Variants in ULK4 observed in about 807,000 individuals in gnomAD.
ULK4 encodes inactive serine/threonine-protein kinase ULK4.
A neutral mutation model predicts 160.6 loss-of-function variants in ULK4; 133 were observed. The ratio of observed to expected loss-of-function variants is 0.83; its 90% CI spans 0.72 to 0.96. The LOEUF is 0.96. ULK4 is among the 40% of genes least tolerant of loss of function. The pLI, the probability that ULK4 is intolerant of heterozygous loss-of-function variation, is 0.00. For missense variants in ULK4, 1,580 were observed against 1,499.5 expected (o/e 1.05, Z -0.89); for synonymous variants, 534 against 539.8 (o/e 0.99, Z 0.15).
intron 21 of ULK4, among the ~76,000 whole-genome samples, chr3:41,771,480 T>C (rs1192609065): frequency 6.6e-6 from 1 of 151,578 alleles, no homozygotes; most frequent in African/African-American, 2.4e-5. Flanking sequence ...CTATCATTAC[T>C]AATATTATTA....
chr3:41,267,028 G>GT (rs1431813205), intron 35 of ULK4, among the ~76,000 whole-genome samples: 1 of 139,318 alleles, frequency 7.2e-6, no homozygotes, highest in East Asian at 2.3e-4. Context: ...TGGGGGGGGG[G>GT]GGTTTAAGGC....
In ULK4 at chr3:41,503,495, C is replaced by T. The variant is rs1304849669; in HGVS notation, c.3227-40242G>A. Among the ~76,000 whole-genome samples, 4 of 152,314 alleles carry T rather than the reference C, an allele frequency of 2.6e-5. No individual in the cohort carries two copies. In the East Asian group the frequency reaches 5.8e-4, roughly 22 times the overall value. On this transcript the variant is annotated intron_variant, in intron 32 of 36. Coordinates refer to ENST00000301831, the MANE Select transcript of ULK4 (RefSeq NM_017886.4). The stretch of plus-strand genomic sequence containing the variant: ...TTTATACAAATAAGCATGACACCAA[C>T]TCTTCCTTTATGCTATGGGCACACC...
At chr3:41,371,907 G>A (rs1046259150) in intron 35 of ULK4, among the ~76,000 whole-genome samples, 1 of 152,002 alleles carries the variant, frequency 6.6e-6, no homozygotes, top group Non-Finnish European at 1.5e-5. Flanking sequence ...TAAAAGGTTA[G>A]AGGAATTGCT....
At position 41,811,526 on chromosome 3, in the gene ULK4, G is replaced by T. The variant is rs185910848; in HGVS notation, c.1848+7897C>A. On this transcript the variant is annotated intron_variant, in intron 19 of 36. Transcript: ENST00000301831. Reference sequence around the variant, plus strand: ...TTCCTTCTAATCCTTGTATTGGAAAGAAAACAGTATGGAAATTTTATTTCT... The same window carrying T: ...TTCCTTCTAATCCTTGTATTGGAAATAAAACAGTATGGAAATTTTATTTCT... 2.4e-3 allele frequency among the ~76,000 whole-genome samples: 368 copies of T among 152,278 alleles called. 1 individual carries two copies. Among genetic ancestry groups the T allele is most frequent in the African/African-American group, 7.9e-3 (328 of 41,568 alleles).
intron 30 of ULK4, among the ~76,000 whole-genome samples, chr3:41,649,050 C>T (rs1202485476): frequency 6.6e-6 from 1 of 151,950 alleles, no homozygotes; most frequent in Non-Finnish European, 1.5e-5. Context: ...GTTGTTTGAG[C>T]CCAGGATGCA....
rs183338169 is a variant in ULK4 at position 41,704,591 on chromosome 3, T to C, written c.2781+466A>G. ...GAGCAATTTTGCCACCCAGAGGACA[T>C]ATGTCAATGTGTAGAGACAATTTTG... On this transcript the variant is annotated intron_variant, in intron 27 of 36. Transcript: ENST00000301831. Among the ~76,000 whole-genome samples, 4 of 152,234 alleles carry C rather than the reference T, an allele frequency of 2.6e-5. No homozygotes were observed. The East Asian group carries it at 7.7e-4, about 29-fold the overall frequency.
intron 22 of ULK4, among the ~76,000 whole-genome samples, chr3:41,739,424 G>C (rs2038165839): frequency 6.6e-6 from 1 of 151,898 alleles, no homozygotes; most frequent in South Asian, 2.1e-4. Context: ...AGCCTAATCA[G>C]AAGTGTCCCT....
At chr3:41,624,409 G>A (rs1337810658) in intron 30 of ULK4, among the ~76,000 whole-genome samples, 1 of 152,032 alleles carries the variant, frequency 6.6e-6, no homozygotes, top group East Asian at 1.9e-4. Context: ...CCCTTTAACG[G>A]TAGTATTTTA....
At chr3:41,677,869 C>T (rs1279313746) in intron 29 of ULK4, among the ~76,000 whole-genome samples, 1 of 152,060 alleles carries the variant, frequency 6.6e-6, no homozygotes, top group Non-Finnish European at 1.5e-5. Context: ...TGAATCGGTA[C>T]ACTGAGGGAA....
intron 21 of ULK4, among the ~76,000 whole-genome samples, chr3:41,763,426 G>GA (rs1169536449): frequency 6.6e-6 from 1 of 151,888 alleles, no homozygotes; most frequent in Non-Finnish European, 1.5e-5. Flanking sequence ...AAATAATCAA[G>GA]AAAAAAGGGG....
chr3:41,307,159 T>A (rs1328039863), intron 35 of ULK4, among the ~76,000 whole-genome samples: 13 of 126,090 alleles, frequency 1.0e-4, no homozygotes, highest in South Asian at 5.3e-4. Flanking sequence ...ATAAATAAAT[T>A]AAAAAAAAAA....
chr3:41,913,017 C>A (rs1698841731), intron 8 of ULK4, 118 bp from the exon 9 acceptor site: 2 of 765,908 alleles, frequency 2.6e-6, no homozygotes, highest in African/African-American at 3.5e-5. Flanking sequence ...CCTTTGAAAT[C>A]ATTTTATATT....
chr3:41,725,639 G>A (rs1385804124), intron 22 of ULK4, among the ~76,000 whole-genome samples: 2 of 152,080 alleles, frequency 1.3e-5, no homozygotes, highest in Non-Finnish European at 2.9e-5. Flanking sequence ...TTATTTTAAA[G>A]TCTGTATCTG....
intron 34 of ULK4, among the ~76,000 whole-genome samples, chr3:41,407,573 G>A (rs146304991): frequency 5.3e-5 from 8 of 152,310 alleles, no homozygotes; most frequent in South Asian, 2.1e-4. Context: ...AGTTTCACAT[G>A]TGAAAATCAA....
chr3:41,917,121 AT>A (rs1575944824), intron 7 of ULK4, among the ~76,000 whole-genome samples: 1 of 152,232 alleles, frequency 6.6e-6, no homozygotes, highest in East Asian at 1.9e-4. Flanking sequence ...GCATTATAAT[AT>A]GACACTGTCC....
chr3:41,879,692 G>A (rs1239892113), intron 17 of ULK4, among the ~76,000 whole-genome samples: 1 of 152,026 alleles, frequency 6.6e-6, no homozygotes, highest in Non-Finnish European at 1.5e-5. Context: ...TGCCCAGGCT[G>A]GTCTCAAACT....
chr3:41,450,423 T>C (rs1170570663), intron 34 of ULK4, among the ~76,000 whole-genome samples: 1 of 152,192 alleles, frequency 6.6e-6, no homozygotes, highest in Non-Finnish European at 1.5e-5. Flanking sequence ...CTGTCTTATA[T>C]AAACATTTCA....
chr3:41,479,988 G>A (rs982830830), intron 32 of ULK4, among the ~76,000 whole-genome samples: 4 of 152,094 alleles, frequency 2.6e-5, no homozygotes, highest in African/African-American at 7.2e-5. Flanking sequence ...CAGGCGGATC[G>A]AGAGGTCAGG....
Position 41,947,153 on chromosome 3 carries a change from C to T in ULK4, c.138+7469G>A, listed in dbSNP as rs370234272. ...CCATCCTGGCTAAAACGGTGAAACC[C>T]CGTCTCTACTAAAAATACAAAAAAT... On this transcript the variant is annotated intron_variant, in intron 2 of 36. Coordinates refer to ENST00000301831, the MANE Select transcript of ULK4 (RefSeq NM_017886.4). 1.0e-3 allele frequency among the ~76,000 whole-genome samples: 157 copies of T among 152,238 alleles called. 5 individuals carry two copies. In the South Asian group the frequency reaches 0.032, roughly 31 times the overall value.
Sources: allele counts gnomAD v4.1 joint callset (sites outside exome capture counted in the v4.1 genomes callset), GRCh38; gene constraint gnomAD v4.1.1; transcripts MANE v1.5; gene names NCBI Gene and HGNC (gene_info 2026-07-23, HGNC 2026-07-21).